The following C13orf42 variants were observed in gnomAD, a reference collection of about 807,000 sequenced individuals.
C13orf42 encodes the protein chromosome 13 open reading frame 42, also known as uncharacterized protein C13orf42.
intron 1 of C13orf42, among the ~76,000 whole-genome samples, chr13:51,090,451 G>A (rs1953170240): frequency 6.6e-6 from 1 of 152,132 alleles, no homozygotes; most frequent in Non-Finnish European, 1.5e-5. Context: ...GACCCCTGAG[G>A]AAGGATGGGT....
intron 1 of C13orf42, chr13:51,162,011 A>G (rs573283652): frequency 4.9e-6 from 2 of 404,854 alleles, no homozygotes; most frequent in South Asian, 4.3e-5. Context: ...AAACCTACTG[A>G]GAAGCCTGCA....
intron 1 of C13orf42, among the ~76,000 whole-genome samples, chr13:51,126,625 C>A (rs182522827): frequency 5.3e-5 from 8 of 152,310 alleles, no homozygotes; most frequent in South Asian, 4.1e-4. Context: ...AAAAAGGAAG[C>A]CCCTCACCAG....
intron 1 of C13orf42, among the ~76,000 whole-genome samples, chr13:51,167,325 G>C (rs1222102088): frequency 6.6e-6 from 1 of 152,136 alleles, no homozygotes; most frequent in East Asian, 1.9e-4. Flanking sequence ...GAGGAAGGGA[G>C]AGTGACCCTG....
At chr13:51,117,019 C>G (rs1269158665) in intron 1 of C13orf42, among the ~76,000 whole-genome samples, 1 of 152,180 alleles carries the variant, frequency 6.6e-6, no homozygotes, top group African/African-American at 2.4e-5. Flanking sequence ...AATCACAGGA[C>G]CAACTCAGAT....
At position 51,087,969 on chromosome 13, in the gene C13orf42, G is replaced by C; in HGVS notation, c.521C>G (p.Ala174Gly). ...AELDTERRPR[A>G]AEASLPNEDV... ...TTCATTTGGCAGGCTGGCCTCAGCA[G>C]CCCGGGGTCGTCTCTCTGTATCCAG... Residue 174 changes from alanine to glycine, a missense_variant, in exon 2 of 4, where the codon GCT (alanine) becomes GGT (glycine). By Grantham distance (60) the Ala-to-Gly change is moderately conservative. Transcript: ENST00000563710. 1 of 398,978 alleles carries C rather than the reference G, an allele frequency of 2.5e-6. No individual in the cohort carries two copies. Among genetic ancestry groups the C allele is most frequent in the Non-Finnish European group, 4.4e-6 (1 of 226,228 alleles). The allele number at this position is 398,978 out of a possible 1,614,324, so 24.7% of individuals were successfully genotyped here.
intron 1 of C13orf42, among the ~76,000 whole-genome samples, chr13:51,091,277 C>T (rs1047692649): frequency 9.9e-5 from 15 of 152,078 alleles, no homozygotes; most frequent in African/African-American, 1.7e-4. Context: ...GAGTCAGTGG[C>T]GGCACACTGG....
intron 1 of C13orf42, among the ~76,000 whole-genome samples, chr13:51,117,670 C>T (rs915268821): frequency 1.1e-4 from 17 of 152,168 alleles, no homozygotes; most frequent in African/African-American, 4.1e-4. Context: ...CTACCTCCTA[C>T]TTACCACTCT....
intron 1 of C13orf42, among the ~76,000 whole-genome samples, chr13:51,144,473 GCAATA>G (rs1953720022): frequency 6.6e-6 from 1 of 152,098 alleles, no homozygotes; most frequent in South Asian, 2.1e-4. Context: ...TTAACTTATG[GCAATA>G]CAATTATTTG....
At chr13:51,150,225 G>T (rs193161389) in intron 1 of C13orf42, among the ~76,000 whole-genome samples, 76 of 152,276 alleles carry the variant, frequency 5.0e-4, no homozygotes, top group Non-Finnish European at 9.1e-4. Context: ...CCAGAATTGG[G>T]GATATTTTTT....
intron 1 of C13orf42, among the ~76,000 whole-genome samples, chr13:51,120,226 C>T (rs1039165076): frequency 6.6e-6 from 1 of 152,184 alleles, no homozygotes; most frequent in African/African-American, 2.4e-5. Context: ...TCACTGAATC[C>T]TATAACTTTA....
At chr13:51,150,602 A>G (rs1024025584) in intron 1 of C13orf42, among the ~76,000 whole-genome samples, 2 of 152,226 alleles carry the variant, frequency 1.3e-5, no homozygotes, top group African/African-American at 4.8e-5. Context: ...CTGGCTGTAT[A>G]ACAGAACCTC....
chr13:51,086,317 C>CAA (rs151139876), intron 2 of C13orf42, among the ~76,000 whole-genome samples: 6 of 114,348 alleles, frequency 5.2e-5, no homozygotes, highest in East Asian at 4.7e-4. Context: ...AAAAAAAAAA[C>CAA]AAAAAAAAAC....
At chr13:51,091,532 T>A (rs1160733430) in intron 1 of C13orf42, among the ~76,000 whole-genome samples, 1 of 152,190 alleles carries the variant, frequency 6.6e-6, no homozygotes, top group Non-Finnish European at 1.5e-5. Flanking sequence ...CTGAGAGTGA[T>A]AATGCTATCC....
chr13:51,094,545 C>A (rs1362911881), intron 1 of C13orf42, among the ~76,000 whole-genome samples: 3 of 152,182 alleles, frequency 2.0e-5, no homozygotes, highest in Admixed American at 2.0e-4. Context: ...TTTAAACCCA[C>A]AAATTGTATT....
At chr13:51,131,910 T>C (rs1380151825) in intron 1 of C13orf42, among the ~76,000 whole-genome samples, 1 of 152,208 alleles carries the variant, frequency 6.6e-6, no homozygotes, top group Non-Finnish European at 1.5e-5. Flanking sequence ...CTTATTCCTA[T>C]GAAGCAACCA....
intron 1 of C13orf42, chr13:51,161,777 C>T (rs1421577587): frequency 6.6e-6 from 2 of 302,564 alleles, no homozygotes; most frequent in South Asian, 3.8e-5. Flanking sequence ...CATTAAGCTC[C>T]TTGATTTCAG....
At chr13:51,104,901 C>T (rs9596452) in intron 1 of C13orf42, among the ~76,000 whole-genome samples, 6,113 of 152,086 alleles carry the variant, frequency 0.04, 365 homozygotes, top group African/African-American at 0.14. Context: ...TTAACAGGAA[C>T]AAGCAAATGA....
intron 1 of C13orf42, among the ~76,000 whole-genome samples, chr13:51,093,331 G>A (rs56918837): frequency 6.6e-6 from 1 of 152,276 alleles, no homozygotes; most frequent in East Asian, 1.9e-4. Flanking sequence ...CTGGTCCTCA[G>A]ATCTGGAGCA....
At chr13:51,097,272 A>G (rs1200216999) in intron 1 of C13orf42, among the ~76,000 whole-genome samples, 1 of 152,222 alleles carries the variant, frequency 6.6e-6, no homozygotes, top group African/African-American at 2.4e-5. Context: ...CTATAGTTAG[A>G]GATAGGCTTC....
Sources: gnomAD v4.1 joint callset for allele counts (sites outside exome capture counted in the v4.1 genomes callset) on GRCh38, gnomAD v4.1.1 for gene constraint, MANE v1.5 for transcripts, NCBI Gene and HGNC (gene_info 2026-07-23, HGNC 2026-07-21) for gene names.